The following BCAS3 variants were observed in gnomAD, a reference collection of about 807,000 sequenced individuals.
BCAS3 encodes the protein BCAS4/BCAS3 fusion.
A neutral mutation model predicts 116.1 loss-of-function variants in BCAS3; 53 were observed. The observed-to-expected ratio is 0.46, with a 90% CI of 0.37 to 0.57. The LOEUF (loss-of-function observed/expected upper bound fraction) is 0.57, where lower values mean the gene tolerates loss of function less well. BCAS3 is among the 20% of genes least tolerant of loss of function. The probability of loss-of-function intolerance (pLI) is 0.00; values close to 1 mark genes in which losing one functional copy is unlikely to be tolerated. For missense variants in BCAS3, 917 were observed against 1,165.4 expected (o/e 0.79, Z 3.10); for synonymous variants, 391 against 408.2 (o/e 0.96, Z 0.51).
intron 13 of BCAS3, among the ~76,000 whole-genome samples, chr17:60,935,905 A>T (rs1376776512): frequency 6.6e-6 from 1 of 151,272 alleles, no homozygotes; most frequent in Non-Finnish European, 1.5e-5. Context: ...TGTGCACAAC[A>T]TGCAGGTTAT....
At chr17:60,794,702 T>C (rs1265582792) in intron 6 of BCAS3, among the ~76,000 whole-genome samples, 1 of 152,226 alleles carries the variant, frequency 6.6e-6, no homozygotes, top group African/African-American at 2.4e-5. Flanking sequence ...TTGTTGAAGA[T>C]CAGTTGACTG....
rs538038279 is a variant in BCAS3 at position 60,731,780 on chromosome 17, A to ATTTTTTTTT, written c.322-15410_322-15402dup. Among the ~76,000 whole-genome samples, 8 of 125,974 alleles carry ATTTTTTTTT rather than the reference A, an allele frequency of 6.4e-5. 1 individual carries two copies. The highest frequency in any genetic ancestry group is 2.1e-4 in the African/African-American group (7 of 33,720). The allele number at this position is 125,974 out of a possible 152,430, so 82.6% of individuals were successfully genotyped here. A position where few individuals can be genotyped will look rare whatever the true frequency, so the allele number is the denominator to read the frequency against. ...TCATGTATCCGCTTATCACCCTCCT[A>ATTTTTTTTT]TTTTTTTTTTTTTTTTGAGGCAGAG... On this transcript the variant is annotated intron_variant, in intron 5 of 23. Transcript: ENST00000407086.
rs1477910397 is a variant in BCAS3 at position 61,030,390 on chromosome 17, C to T, written c.1638-4276C>T. Among the ~76,000 whole-genome samples, 4 of 151,768 alleles carry T rather than the reference C, an allele frequency of 2.6e-5. No individual in the cohort carries two copies. The East Asian group carries it at 7.7e-4, about 29-fold the overall frequency. On this transcript the variant is annotated intron_variant, in intron 16 of 23. Coordinates refer to ENST00000407086, the MANE Select transcript of BCAS3 (RefSeq NM_017679.5). ...ATTAGAATTTTGTACTCTTTTTTTT[C>T]TCTCTTTGCAGTTGGGTGTGGAGAA...
At position 61,388,641 on chromosome 17, in the gene BCAS3, C is replaced by A. The variant is rs867473032; in HGVS notation, c.2594-3336C>A. On this transcript the variant is annotated intron_variant, in intron 23 of 23. Coordinates refer to ENST00000407086, the MANE Select transcript of BCAS3 (RefSeq NM_017679.5). The surrounding 1 kb of genome is among the most constrained non-coding windows in gnomAD (Gnocchi z 6.5). ...AGGGAAAAAAAAAGGAAAAAAAAAA[C>A]AATGCCAACAGCCCAGCGTCCGTGA... 5.2e-6 allele frequency: 8 copies of A among 1,534,138 alleles called. No homozygotes were observed. The East Asian group carries it at 1.2e-4, about 23-fold the overall frequency.
In BCAS3 at chr17:60,947,244, C is replaced by T. The variant is rs764689761; in HGVS notation, c.1113C>T (p.Thr371=). 1.1e-5 allele frequency: 17 copies of T among 1,612,704 alleles called. No individual in the cohort carries two copies. The highest frequency in any genetic ancestry group is 1.4e-5 in the Non-Finnish European group (16 of 1,179,090). Residue 371 remains threonine (T), a synonymous_variant, in exon 14 of 24, where the codon ACC becomes ACT. Coordinates refer to ENST00000407086, the MANE Select transcript of BCAS3 (RefSeq NM_017679.5). ...TSGMLLVTTD[T]LGHDFHVFQI... ...GAATGCTTCTAGTCACAACAGACAC[C>T]CTTGGCCATGACTTTCATGTCTTCC... is the stretch of plus-strand genomic sequence containing the variant.
In BCAS3 at chr17:61,328,692, G is replaced by C. The variant is rs537460879; in HGVS notation, c.2426-39635G>C. On this transcript the variant is annotated intron_variant, in intron 22 of 23. Coordinates refer to ENST00000407086, the MANE Select transcript of BCAS3 (RefSeq NM_017679.5). ...AAGTGGGAGGATCACCTGAGCCAGGGGTGGTCAAGGCTGCAGTGAGCCCTG... is the reference window on the plus strand; with the variant it reads ...AAGTGGGAGGATCACCTGAGCCAGGCGTGGTCAAGGCTGCAGTGAGCCCTG... Among the ~76,000 whole-genome samples, 13 of 152,180 alleles carry C rather than the reference G, an allele frequency of 8.5e-5. No homozygotes were observed. In the South Asian group the frequency reaches 1.2e-3, roughly 15 times the overall value.
Position 61,028,350 on chromosome 17 carries a change from A to T in BCAS3, c.1638-6316A>T, listed in dbSNP as rs2066406574. On this transcript the variant is annotated intron_variant, in intron 16 of 23. Coordinates refer to ENST00000407086, the MANE Select transcript of BCAS3 (RefSeq NM_017679.5). This position sits in a 1 kb window ranked among gnomAD's most constrained non-coding sequence, Gnocchi z 4.3. ...CAGGATATACAAGAATATAAATCTC[A>T]TGAAAGTTGATCTTTATTCATTTTG... Among the ~76,000 whole-genome samples, 1 of 151,896 alleles carries T rather than the reference A, an allele frequency of 6.6e-6. No individual in the cohort carries two copies. Among genetic ancestry groups the T allele is most frequent in the Non-Finnish European group, 1.5e-5 (1 of 67,782 alleles).
Position 61,078,352 on chromosome 17 carries a change from C to T in BCAS3, c.2150C>T (p.Thr717Ile), listed in dbSNP as rs761349378. The stretch of plus-strand genomic sequence containing the variant: ...TTCCAGGTTGAAATTGTAACACACA[C>T]TGGACCCCATAGACGTCTGTGGATG... ...WLSQVEIVTH[T>I]GPHRRLWMGP... is the part of the protein sequence containing the mutation. The change falls in exon 21 of 24, where the codon ACT becomes ATT. Residue 717 changes from threonine (T) to isoleucine (I), a missense_variant. Transcript: ENST00000407086. The T allele has an allele frequency of 5.0e-6, 8 of 1,613,632 alleles. No homozygotes were observed. The South Asian group carries it at 8.8e-5, about 18-fold the overall frequency.
chr17:60,916,006 C>T (rs2058761362), intron 12 of BCAS3, among the ~76,000 whole-genome samples: 1 of 152,090 alleles, frequency 6.6e-6, no homozygotes, highest in Non-Finnish European at 1.5e-5. Flanking sequence ...TTCAATCACT[C>T]TGTTGTATTC....
At position 61,139,530 on chromosome 17, in the gene BCAS3, T is replaced by TA. The variant is rs1382748546; in HGVS notation, c.2425+54966_2425+54967insA. On this transcript the variant is annotated intron_variant, in intron 22 of 23. Coordinates refer to ENST00000407086, the MANE Select transcript of BCAS3 (RefSeq NM_017679.5). The surrounding 1 kb of genome is among the most constrained non-coding windows in gnomAD (Gnocchi z 4.7). ...TTATAGCAGAAGCCATAATGTATAA[T>TA]GTTCAGGAGTGGGTGAGCTACCTAA... is the stretch of plus-strand genomic sequence containing the variant. 3.3e-5 allele frequency among the ~76,000 whole-genome samples: 5 copies of TA among 152,330 alleles called. No homozygotes were observed. The East Asian group carries it at 9.6e-4, about 29-fold the overall frequency.
intron 6 of BCAS3, among the ~76,000 whole-genome samples, chr17:60,778,513 T>G (rs775984883): frequency 8.5e-5 from 13 of 152,224 alleles, no homozygotes; most frequent in Non-Finnish European, 1.0e-4. Flanking sequence ...TCAGGAATGA[T>G]TTGCCACAAA....
Position 61,088,305 on chromosome 17 carries a change from G to A in BCAS3, c.2425+3741G>A, listed in dbSNP as rs72844909. Among the ~76,000 whole-genome samples the A allele has an allele frequency of 2.0e-4, 30 of 152,292 alleles. No individual in the cohort carries two copies. Among genetic ancestry groups the A allele is most frequent in the Non-Finnish European group, 3.8e-4 (26 of 68,026 alleles). The stretch of plus-strand genomic sequence containing the variant: ...CATTTTGGAAATGGACACATTATAG[G>A]ATTTTAACCTAAGACACAGGCTACC... On this transcript the variant is annotated intron_variant, in intron 22 of 23. Coordinates refer to ENST00000407086, the MANE Select transcript of BCAS3 (RefSeq NM_017679.5). This position sits in a 1 kb window ranked among gnomAD's most constrained non-coding sequence, Gnocchi z 4.2.
chr17:60,857,653 A>G (rs879066111), intron 7 of BCAS3, among the ~76,000 whole-genome samples: 3 of 152,214 alleles, frequency 2.0e-5, no homozygotes, highest in South Asian at 2.1e-4. Context: ...TTGTCTTGCT[A>G]TGTTCCATGG....
chr17:61,390,044 C>G lies in BCAS3; in HGVS notation c.2594-1933C>G, dbSNP rs1411327332. ...GGCTTTCTTCCTTAGGCCTGGCGGCCCGATCCTAAGGAAGCCCCTGCTTTT... is the reference window on the plus strand; with the variant it reads ...GGCTTTCTTCCTTAGGCCTGGCGGCGCGATCCTAAGGAAGCCCCTGCTTTT... On this transcript the variant is annotated intron_variant, in intron 23 of 23. Transcript: ENST00000407086. The surrounding 1 kb of genome is among the most constrained non-coding windows in gnomAD (Gnocchi z 6.8). 6.6e-6 allele frequency: 1 copy of G among 152,330 alleles called. No homozygotes were observed. Among genetic ancestry groups the G allele is most frequent in the Non-Finnish European group, 1.5e-5 (1 of 68,118 alleles). The allele number at this position is 152,330 out of a possible 1,614,324, so 9.4% of individuals were successfully genotyped here.
intron 13 of BCAS3, among the ~76,000 whole-genome samples, chr17:60,929,548 T>G (rs1483500231): frequency 1.3e-5 from 2 of 152,146 alleles, no homozygotes; most frequent in Non-Finnish European, 2.9e-5. Context: ...AATTTCTTTT[T>G]TATTTTAATT....
chr17:61,182,615 G>A, intron 22 of BCAS3, among the ~76,000 whole-genome samples: 1 of 152,168 alleles, frequency 6.6e-6, no homozygotes, highest in South Asian at 2.1e-4. Flanking sequence ...CCACAACGGA[G>A]TTTTAGAATA....
At chr17:60,706,302 G>A (rs1490125866) in intron 4 of BCAS3, among the ~76,000 whole-genome samples, 1 of 152,026 alleles carries the variant, frequency 6.6e-6, no homozygotes, top group Non-Finnish European at 1.5e-5. Flanking sequence ...GAACTCAGGT[G>A]ATCTACCCTC....
rs537237654 is a variant in BCAS3, at chr17:61,037,040, G to A, written c.1763-849G>A. 2.0e-5 allele frequency among the ~76,000 whole-genome samples: 3 copies of A among 152,244 alleles called. No individual in the cohort carries two copies. The highest frequency in any genetic ancestry group is 4.8e-5 in the African/African-American group (2 of 41,530). ...TCAGTATCCCCAACCAGAGTGGTAC[G>A]TGTGTTTGGATTGATGAACCTACAT... is the stretch of plus-strand genomic sequence containing the variant. On this transcript the variant is annotated intron_variant, in intron 17 of 23. Transcript: ENST00000407086. This position sits in a 1 kb window ranked among gnomAD's most constrained non-coding sequence, Gnocchi z 4.7.
chr17:60,808,802 G>A (rs1323829268), intron 7 of BCAS3, among the ~76,000 whole-genome samples: 2 of 152,174 alleles, frequency 1.3e-5, no homozygotes, highest in Admixed American at 6.5e-5. Flanking sequence ...AAATAATGAT[G>A]TATGACAGGA....
Sources: allele counts gnomAD v4.1 joint callset (sites outside exome capture counted in the v4.1 genomes callset), GRCh38; gene constraint gnomAD v4.1.1; non-coding constraint Gnocchi (gnomAD v3.1); transcripts MANE v1.5; gene names NCBI Gene and HGNC (gene_info 2026-07-23, HGNC 2026-07-21).